Variants in NVL observed in about 807,000 individuals in gnomAD.
NVL encodes nuclear valosin-containing protein-like.
NVL carries 84 observed loss-of-function variants against 110.2 expected under a neutral mutation model. The ratio of observed to expected loss-of-function variants is 0.76; its 90% CI spans 0.64 to 0.91. The LOEUF is 0.91. Among genes scored for constraint, NVL ranks in the 40% least tolerant of loss-of-function variants. The probability of loss-of-function intolerance (pLI) is 0.00; values close to 1 mark genes in which losing one functional copy is unlikely to be tolerated. For synonymous variants in NVL, 354 were observed against 361.1 expected, an observed-to-expected ratio of 0.98 and a Z score of 0.22; for missense variants, 882 against 1,035.9, an observed-to-expected ratio of 0.85 and a Z score of 2.04.
intron 18 of NVL, among the ~76,000 whole-genome samples, chr1:224,258,750 A>G (rs1031815917): frequency 1.3e-5 from 2 of 152,192 alleles, no homozygotes; most frequent in Non-Finnish European, 2.9e-5. Context: ...AATATGAATA[A>G]ATCTTGAAAA....
chr1:224,251,660 C>T (rs1662522561), intron 18 of NVL, among the ~76,000 whole-genome samples: 1 of 152,004 alleles, frequency 6.6e-6, no homozygotes, highest in African/African-American at 2.4e-5. Context: ...AACAAAAAAA[C>T]AAAACATGTC....
chr1:224,294,131 T>C (rs1667639908), intron 12 of NVL, 136 bp downstream of exon 12: 2 of 981,388 alleles, frequency 2.0e-6, no homozygotes, highest in Admixed American at 4.8e-5. Flanking sequence ...GGCTTCTCCT[T>C]TTCCAAATCA....
At chr1:224,271,181 A>G (rs550303409) in intron 17 of NVL, among the ~76,000 whole-genome samples, 1 of 152,310 alleles carries the variant, frequency 6.6e-6, no homozygotes, top group Non-Finnish European at 1.5e-5. Context: ...GAAAGTCATC[A>G]AGACAGAATG....
At position 224,305,042 on chromosome 1, in the gene NVL, T is replaced by C. The variant is rs116571578; in HGVS notation, c.740A>G (p.Gln247Arg). The C allele has an allele frequency of 1.8e-3, 2,970 of 1,613,364 alleles. 46 individuals are homozygous for C. In the African/African-American group the frequency reaches 0.034, roughly 18 times the overall value. Residue 247 changes from glutamine to arginine, a missense_variant, in exon 7 of 23, where the codon CAA becomes CGA. Physicochemically the swap from Gln to Arg is conservative, Grantham distance 43 (BLOSUM62 1). This residue lies in a region of NVL where 416 missense variants were observed against 499.3 expected (regional missense o/e 0.83). Coordinates refer to ENST00000281701, the MANE Select transcript of NVL (RefSeq NM_002533.4). ...CAAGACTCACACCTTACCTTTCTTT[T>C]GCAGGACAGCTTCAATTTCTCCATC... is the stretch of plus-strand genomic sequence containing the variant. ...EVDGEIEAVLQKKAKARGLEF... is the reference protein window; with the variant it reads ...EVDGEIEAVLRKKAKARGLEF...
At chr1:224,279,683 T>C (rs1458865022) in intron 16 of NVL, among the ~76,000 whole-genome samples, 3 of 152,202 alleles carry the variant, frequency 2.0e-5, no homozygotes, top group Admixed American at 1.3e-4. Flanking sequence ...CCTTGTTTTA[T>C]TGAAGAAAAT....
chr1:224,329,142 C>T (rs10799563), intron 1 of NVL, among the ~76,000 whole-genome samples: 139,096 of 152,074 alleles, frequency 0.91, 63,892 homozygotes, highest in Middle Eastern at 0.98. Context: ...GTCAGGGAGG[C>T]CGAGGGTGCA....
intron 4 of NVL, chr1:224,313,269 G>GA (rs796360608): frequency 0.021 from 2,422 of 113,666 alleles, 54 homozygotes; most frequent in African/African-American, 0.069. Flanking sequence ...TCAACTATTT[G>GA]AAAAAAAAAA....
Position 224,289,516 on chromosome 1 carries a change from T to G in NVL, c.1543A>C (p.Arg515=). ...TCAGAAGTGGGCTCAGTTCCCAGCC[T>G]TTCCTCCTGGACTCCTTTAGATGGC... ...DLPSKGVQEE[R]LGTEPTSETQ... Residue 515 remains arginine (R), a synonymous_variant, in exon 13 of 23, where the codon AGG becomes CGG. Coordinates refer to ENST00000281701, the MANE Select transcript of NVL (RefSeq NM_002533.4). 1 of 1,614,234 alleles carries G rather than the reference T, an allele frequency of 6.2e-7. No individual in the cohort carries two copies. The highest frequency in any genetic ancestry group is 8.5e-7 in the Non-Finnish European group (1 of 1,180,044).
At chr1:224,280,199 G>A (rs1194920640) in intron 16 of NVL, among the ~76,000 whole-genome samples, 1 of 149,014 alleles carries the variant, frequency 6.7e-6, no homozygotes, top group East Asian at 1.9e-4. Flanking sequence ...TTTTTGCTGG[G>A]TGATAGATAC....
intron 14 of NVL, 23 bp from the exon 15 acceptor site, chr1:224,286,153 C>A (rs188384882): frequency 1.3e-6 from 2 of 1,515,856 alleles, no homozygotes; most frequent in Non-Finnish European, 9.2e-7. Flanking sequence ...ATACAAACGG[C>A]GATCCATTAC....
intron 7 of NVL, 68 bp downstream of exon 7, chr1:224,304,966 C>T (rs1198293066): frequency 1.3e-6 from 2 of 1,588,466 alleles, no homozygotes; most frequent in Non-Finnish European, 1.7e-6. Flanking sequence ...AGCAAAATAG[C>T]TTGGGACAGA....
chr1:224,233,275 G>C lies in NVL; in HGVS notation c.2381C>G (p.Ser794Cys). 6.2e-7 allele frequency: 1 copy of C among 1,611,276 alleles called. No homozygotes were observed. The highest frequency in any genetic ancestry group is 8.5e-7 in the Non-Finnish European group (1 of 1,178,964). ...GATAGAAGCTTCTCGTACCAAAGCA[G>C]AGAGATCTGCGCCCCTACAATAAAA... The part of the protein sequence containing the change: ...RCDCYTGADL[S>C]ALVREASICA... The change falls in exon 21 of 23, where the codon TCT becomes TGT. Residue 794 changes from serine to cysteine, a missense_variant. Physicochemically the swap from Ser to Cys is moderately radical, Grantham distance 112. This residue lies in a region of NVL where 126 missense variants were observed against 140.7 expected (regional missense o/e 0.90). Transcript: ENST00000281701.
At chr1:224,327,947 AG>A (rs1303627313) in intron 1 of NVL, among the ~76,000 whole-genome samples, 1 of 151,918 alleles carries the variant, frequency 6.6e-6, no homozygotes, top group East Asian at 1.9e-4. Context: ...GGGACAGGAG[AG>A]GAAAAGTAAA....
intron 15 of NVL, among the ~76,000 whole-genome samples, chr1:224,285,543 T>A (rs533032828): frequency 6.6e-6 from 1 of 152,182 alleles, no homozygotes; most frequent in Non-Finnish European, 1.5e-5. Flanking sequence ...ATCTGAAGGA[T>A]TGACAATGAA....
chr1:224,233,228 C>T lies in NVL; in HGVS notation c.2428G>A (p.Ala810Thr). The T allele has an allele frequency of 6.2e-7, 1 of 1,612,896 alleles. No individual in the cohort carries two copies. The highest frequency in any genetic ancestry group is 1.1e-5 in the South Asian group (1 of 90,866). ...TTTTCATTTCCACTCTTCTGTCTTG[C>T]CATTTCCTGTCTCAGGGCACAGATA... The part of the protein sequence containing the change: ...ASICALRQEM[A>T]RQKSGNEKGE... The change falls in exon 21 of 23, where the codon GCA becomes ACA. Residue 810 changes from alanine (A) to threonine (T), a missense_variant. Ala to Thr is a moderately conservative substitution (Grantham distance 58, BLOSUM62 0). Around this residue, in one of 4 missense-constraint regions of NVL, gnomAD observed 126 missense variants for 140.7 expected, o/e 0.90. Coordinates refer to ENST00000281701, the MANE Select transcript of NVL (RefSeq NM_002533.4).
chr1:224,269,753 T>TC (rs1320970081), intron 17 of NVL: 1 of 150,174 alleles, frequency 6.7e-6, no homozygotes, highest in East Asian at 1.9e-4. Context: ...CTTTCTTTTT[T>TC]CTTTTTTTTT....
intron 18 of NVL, among the ~76,000 whole-genome samples, chr1:224,260,804 T>G (rs1663889706): frequency 6.7e-6 from 1 of 149,736 alleles, no homozygotes. Flanking sequence ...TAGTTTCAAG[T>G]GATCCTCCTG....
At chr1:224,239,840 T>C (rs1660961664) in intron 19 of NVL, among the ~76,000 whole-genome samples, 1 of 152,176 alleles carries the variant, frequency 6.6e-6, no homozygotes, top group African/African-American at 2.4e-5. Flanking sequence ...ATTGTGTTTG[T>C]GTCAGAAATA....
chr1:224,259,409 G>GA (rs979694874), intron 18 of NVL, among the ~76,000 whole-genome samples: 13 of 151,902 alleles, frequency 8.6e-5, no homozygotes, highest in African/African-American at 3.1e-4. Context: ...AATATTCTAA[G>GA]ATTAGATTGT....
Sources: gnomAD v4.1 joint callset for allele counts (sites outside exome capture counted in the v4.1 genomes callset) on GRCh38, gnomAD v4.1.1 for gene constraint, gnomAD v4.1.1 regional missense constraint, MANE v1.5 for transcripts, NCBI Gene and HGNC (gene_info 2026-07-23, HGNC 2026-07-21) for gene names.